LYPLAL1: variants seen among roughly 807,000 people sequenced by gnomAD.
LYPLAL1 encodes the protein lysophospholipase like 1, also known as lysophospholipase-like protein 1.
Under a neutral mutation model 19.7 loss-of-function variants are expected in LYPLAL1, and 23 were observed. The observed-to-expected ratio is 1.17, with a 90% CI of 0.84 to 1.65. The LOEUF is 1.65. Among genes scored for constraint, LYPLAL1 ranks in the 40% most tolerant of loss-of-function variants. The pLI, the probability that LYPLAL1 is intolerant of heterozygous loss-of-function variation, is 0.00. For synonymous variants in LYPLAL1, 119 were observed against 96.3 expected (o/e 1.24, Z -1.38); for missense variants, 355 against 279.4 (o/e 1.27, Z -1.93).
chr1:219,423,082 G>A, the LYPLAL1 span, among the ~76,000 whole-genome samples: 5 of 152,108 alleles, frequency 3.3e-5, no homozygotes, highest in African/African-American at 1.2e-4. Context: ...CCACCTTGAT[G>A]TTTTTGCTCA....
chr1:219,186,091 G>C (rs1046019831), intron 2 of LYPLAL1, among the ~76,000 whole-genome samples: 10 of 151,662 alleles, frequency 6.6e-5, no homozygotes, highest in African/African-American at 2.4e-4. Context: ...ATAAGTTCTG[G>C]GTCCTAAATA....
chr1:219,375,558 A>AAAAGAGG, the LYPLAL1 span, among the ~76,000 whole-genome samples: 2 of 151,630 alleles, frequency 1.3e-5, 1 homozygote, highest in African/African-American at 4.8e-5. Flanking sequence ...TGGGAAAGAG[A>AAAAGAGG]AAAGAGGATA....
At chr1:219,193,022 A>G in intron 2 of LYPLAL1, 60 bp from the exon 3 acceptor site, 1 of 1,454,464 alleles carries the variant, frequency 6.9e-7, no homozygotes, top group Non-Finnish European at 9.2e-7. Flanking sequence ...TAATTAAAGC[A>G]TCCATTTTCA....
the LYPLAL1 span, among the ~76,000 whole-genome samples, chr1:219,237,531 A>C: frequency 2.0e-5 from 3 of 152,196 alleles, no homozygotes; most frequent in Non-Finnish European, 4.4e-5. Context: ...TCAGAGCAGT[A>C]ATGGTGACTC....
chr1:219,351,771 C>T, the LYPLAL1 span, among the ~76,000 whole-genome samples: 1 of 152,122 alleles, frequency 6.6e-6, no homozygotes, highest in African/African-American at 2.4e-5. Context: ...CAAATACAAA[C>T]AATTAATTAG....
At chr1:219,318,837 C>G in the LYPLAL1 span, among the ~76,000 whole-genome samples, 1 of 152,088 alleles carries the variant, frequency 6.6e-6, no homozygotes, top group Admixed American at 6.5e-5. Context: ...GAAAAATGGG[C>G]AGGGAAATAT....
chr1:219,316,978 T>G, the LYPLAL1 span, among the ~76,000 whole-genome samples: 30 of 152,308 alleles, frequency 2.0e-4, no homozygotes, highest in African/African-American at 6.7e-4. Context: ...TAGTGATGGA[T>G]GCACAACATT....
the LYPLAL1 span, among the ~76,000 whole-genome samples, chr1:219,379,471 A>C: frequency 6.6e-6 from 1 of 152,210 alleles, no homozygotes; most frequent in South Asian, 2.1e-4. Flanking sequence ...TGCTGCAGTT[A>C]GCTCTAAAGG....
At chr1:219,319,850 A>G in the LYPLAL1 span, among the ~76,000 whole-genome samples, 2 of 152,214 alleles carry the variant, frequency 1.3e-5, no homozygotes, top group African/African-American at 2.4e-5. Flanking sequence ...GGAAGATACC[A>G]AGTCCCAATA....
At chr1:219,231,995 T>A in the LYPLAL1 span, among the ~76,000 whole-genome samples, 1 of 152,254 alleles carries the variant, frequency 6.6e-6, no homozygotes, top group Non-Finnish European at 1.5e-5. Context: ...GTCTTGAGAC[T>A]ATTGTCCCTT....
the LYPLAL1 span, among the ~76,000 whole-genome samples, chr1:219,427,445 A>G: frequency 2.6e-5 from 4 of 152,254 alleles, no homozygotes; most frequent in Admixed American, 1.3e-4. Flanking sequence ...ATATGCAGTC[A>G]TCCTGTGTGT....
At chr1:219,348,530 GTCT>G in the LYPLAL1 span, among the ~76,000 whole-genome samples, 3 of 152,276 alleles carry the variant, frequency 2.0e-5, no homozygotes, top group South Asian at 4.1e-4. Context: ...TATGTCTTCA[GTCT>G]TCTTTTTTTA....
rs1388469978 is a variant in LYPLAL1 at position 219,212,486 on chromosome 1, A to G, written c.*758A>G. 6.6e-6 allele frequency: 1 copy of G among 152,054 alleles called. No homozygotes were observed. The highest frequency in any genetic ancestry group is 6.6e-5 in the Admixed American group (1 of 15,254). The allele number at this position is 152,054 out of a possible 1,614,324, so 9.4% of individuals were successfully genotyped here. A position where few individuals can be genotyped will look rare whatever the true frequency, so the allele number is the denominator to read the frequency against. ...ATAAGGAGAGTCATGATCTGGTTCC[A>G]GGAATACATTGTTAGATGACTGAAA... On this transcript the variant is annotated 3_prime_UTR_variant, in exon 5 of 5. Coordinates refer to ENST00000366928, the MANE Select transcript of LYPLAL1 (RefSeq NM_138794.5).
chr1:219,392,467 C>A, the LYPLAL1 span, among the ~76,000 whole-genome samples: 10 of 152,076 alleles, frequency 6.6e-5, no homozygotes, highest in African/African-American at 1.2e-4. Context: ...TAAGAAAAGT[C>A]ATTAGCTATG....
At chr1:219,429,059 A>G in the LYPLAL1 span, among the ~76,000 whole-genome samples, 3 of 152,128 alleles carry the variant, frequency 2.0e-5, no homozygotes, top group South Asian at 6.2e-4. Context: ...GTGAGAGCGT[A>G]TTTCTTGTGT....
the LYPLAL1 span, among the ~76,000 whole-genome samples, chr1:219,304,392 A>G: frequency 6.6e-6 from 1 of 152,248 alleles, no homozygotes; most frequent in South Asian, 2.1e-4. Flanking sequence ...TCACTGGCAT[A>G]TGTGGGTAGC....
At chr1:219,403,432 G>A in the LYPLAL1 span, among the ~76,000 whole-genome samples, 1 of 152,178 alleles carries the variant, frequency 6.6e-6, no homozygotes, top group African/African-American at 2.4e-5. Context: ...TGAACGCTGA[G>A]TATAATTTAA....
At chr1:219,295,357 C>T in the LYPLAL1 span, among the ~76,000 whole-genome samples, 2 of 152,144 alleles carry the variant, frequency 1.3e-5, no homozygotes, top group African/African-American at 4.8e-5. Flanking sequence ...CCCACCTCCT[C>T]CCATACAAGG....
the LYPLAL1 span, among the ~76,000 whole-genome samples, chr1:219,386,709 A>G: frequency 6.6e-6 from 1 of 152,244 alleles, no homozygotes; most frequent in African/African-American, 2.4e-5. Flanking sequence ...CTTCAAGCTC[A>G]ATAGAAACAG....
Sources: allele counts gnomAD v4.1 joint callset (sites outside exome capture counted in the v4.1 genomes callset), GRCh38; gene constraint gnomAD v4.1.1; transcripts MANE v1.5; gene names NCBI Gene and HGNC (gene_info 2026-07-23, HGNC 2026-07-21).